The following TTC7B variants were observed in gnomAD, a reference collection of about 807,000 sequenced individuals.
TTC7B encodes tetratricopeptide repeat domain 7B.
In TTC7B, 28 loss-of-function variants were observed where a neutral mutation model predicts 106.8. That is an observed-to-expected ratio of 0.26 (90% CI 0.19 to 0.36). The LOEUF is 0.36. TTC7B is among the 10% of genes least tolerant of loss of function. The probability of loss-of-function intolerance (pLI) is 1.00; values close to 1 mark genes in which losing one functional copy is unlikely to be tolerated. For synonymous variants in TTC7B, 405 were observed against 430.6 expected, an observed-to-expected ratio of 0.94 and a Z score of 0.74; for missense variants, 862 against 1,076.4, an observed-to-expected ratio of 0.80 and a Z score of 2.79.
chr14:90,734,441 G>A (rs1167599988), intron 4 of TTC7B, among the ~76,000 whole-genome samples: 3 of 149,318 alleles, frequency 2.0e-5, no homozygotes, highest in East Asian at 1.9e-4. Context: ...AAAAAAGAAA[G>A]GAGGAAACAA....
chr14:90,618,075 C>T (rs1171565169), intron 15 of TTC7B, 30 bp from the exon 16 acceptor site: 15 of 1,540,494 alleles, frequency 9.7e-6, no homozygotes, highest in Non-Finnish European at 1.3e-5. Context: ...GGAGAAAACA[C>T]CACGGCTCAA....
chr14:90,611,335 C>T (rs574879129), intron 16 of TTC7B, among the ~76,000 whole-genome samples: 5 of 152,146 alleles, frequency 3.3e-5, no homozygotes, highest in East Asian at 1.9e-4. Flanking sequence ...CACTGTGAAC[C>T]GAACAAATCA....
chr14:90,732,077 T>C (rs1386643729), intron 4 of TTC7B, among the ~76,000 whole-genome samples: 1 of 152,116 alleles, frequency 6.6e-6, no homozygotes, highest in Non-Finnish European at 1.5e-5. Context: ...CCAGATATCT[T>C]TGTGGACACA....
chr14:90,564,885 T>G (rs1890725027), intron 19 of TTC7B, among the ~76,000 whole-genome samples: 1 of 152,192 alleles, frequency 6.6e-6, no homozygotes, highest in African/African-American at 2.4e-5. Context: ...CACTCCAGCT[T>G]GGGAGGCAGA....
chr14:90,760,224 T>TGG (rs978385315), intron 3 of TTC7B, among the ~76,000 whole-genome samples: 1 of 149,558 alleles, frequency 6.7e-6, no homozygotes, highest in Non-Finnish European at 1.5e-5. Flanking sequence ...TAAACAGAGG[T>TGG]GGGGGGTTGG....
intron 5 of TTC7B, among the ~76,000 whole-genome samples, chr14:90,707,879 G>A (rs1031122881): frequency 3.9e-5 from 6 of 152,090 alleles, no homozygotes; most frequent in Non-Finnish European, 8.8e-5. Flanking sequence ...AGGTGTGGTG[G>A]CTCACGCCTG....
At chr14:90,784,196 AC>A (rs1471519599) in intron 2 of TTC7B, among the ~76,000 whole-genome samples, 1 of 151,832 alleles carries the variant, frequency 6.6e-6, no homozygotes, top group Non-Finnish European at 1.5e-5. Flanking sequence ...ATCAAGACCT[AC>A]CACCTGTGTC....
chr14:90,588,541 G>A (rs938739448), intron 18 of TTC7B, among the ~76,000 whole-genome samples: 1 of 152,146 alleles, frequency 6.6e-6, no homozygotes, highest in Admixed American at 6.5e-5. Flanking sequence ...CAGCAGTAAG[G>A]TGTGCACTCA....
intron 5 of TTC7B, among the ~76,000 whole-genome samples, chr14:90,703,713 G>C (rs908595349): frequency 7.2e-5 from 11 of 152,234 alleles, no homozygotes; most frequent in Admixed American, 1.3e-4. Flanking sequence ...CAGGCCTCCA[G>C]TTCAAAACCA....
intron 5 of TTC7B, among the ~76,000 whole-genome samples, chr14:90,703,052 C>G (rs1888058174): frequency 6.6e-6 from 1 of 152,148 alleles, no homozygotes; most frequent in South Asian, 2.1e-4. Flanking sequence ...GAGCCCATAA[C>G]ACAAAGCTGG....
chr14:90,702,891 C>T (rs760094385), intron 5 of TTC7B, among the ~76,000 whole-genome samples: 73 of 152,260 alleles, frequency 4.8e-4, no homozygotes, highest in Admixed American at 1.2e-3. Context: ...GGGTGGGGCA[C>T]GGACAGATGA....
intron 1 of TTC7B, among the ~76,000 whole-genome samples, chr14:90,789,238 A>G (rs1891495674): frequency 6.6e-6 from 1 of 152,048 alleles, no homozygotes. Flanking sequence ...AGCTGGGATT[A>G]CAGGCACCCA....
At chr14:90,662,532 G>T (rs1026304042) in intron 9 of TTC7B, among the ~76,000 whole-genome samples, 1 of 152,182 alleles carries the variant, frequency 6.6e-6, no homozygotes, top group Non-Finnish European at 1.5e-5. Context: ...TAGAGCTTCT[G>T]CCTGAGACCC....
chr14:90,660,056 A>G (rs945122561), intron 9 of TTC7B, among the ~76,000 whole-genome samples: 10 of 151,982 alleles, frequency 6.6e-5, no homozygotes, highest in Non-Finnish European at 1.3e-4. Context: ...GGGTGCTGGG[A>G]GGAAAAGAAA....
chr14:90,658,256 C>T (rs1305787614), intron 10 of TTC7B, 48 bp downstream of exon 10: 2 of 1,498,448 alleles, frequency 1.3e-6, no homozygotes, highest in South Asian at 2.3e-5. Context: ...AACTCTTTGG[C>T]CTTAATAGGA....
intron 7 of TTC7B, among the ~76,000 whole-genome samples, chr14:90,687,499 T>A (rs139672565): frequency 1.2e-4 from 19 of 152,340 alleles, no homozygotes; most frequent in African/African-American, 4.6e-4. Flanking sequence ...TCTGGCCATG[T>A]GTCAAAGTGG....
intron 15 of TTC7B, among the ~76,000 whole-genome samples, chr14:90,619,288 G>A (rs1165808271): frequency 6.6e-6 from 1 of 152,096 alleles, no homozygotes; most frequent in Non-Finnish European, 1.5e-5. Context: ...ATCGTTTAAG[G>A]CACTCCACCA....
At chr14:90,639,701 G>T (rs905204107) in intron 15 of TTC7B, among the ~76,000 whole-genome samples, 3 of 152,198 alleles carry the variant, frequency 2.0e-5, no homozygotes, top group African/African-American at 7.2e-5. Context: ...TTGAACGTGT[G>T]CACCAGGAGC....
Position 90,816,398 on chromosome 14 carries a change from TCCCGGCTCCGCGGCGTAACGGGAGCG to T in TTC7B, c.-129_-104del. 1 of 606,704 alleles carries T rather than the reference TCCCGGCTCCGCGGCGTAACGGGAGCG, an allele frequency of 1.6e-6. No individual in the cohort carries two copies. The highest frequency in any genetic ancestry group is 2.0e-6 in the Non-Finnish European group (1 of 489,124). 37.6% of individuals were successfully genotyped at this position (606,704 alleles called of 1,614,324 possible). On this transcript the variant is annotated 5_prime_UTR_variant, in exon 1 of 20. Transcript: ENST00000328459. Reference sequence around the variant, plus strand: ...CGCCGCCGCGGGCTCGGGCTCCGGCTCCCGGCTCCGCGGCGTAACGGGAGCGCCGGCTGGGGAAGGGGCGGGGAGGC... The same window carrying T: ...CGCCGCCGCGGGCTCGGGCTCCGGCTCCGGCTGGGGAAGGGGCGGGGAGGC...
Sources: gnomAD v4.1 joint callset for allele counts (sites outside exome capture counted in the v4.1 genomes callset) on GRCh38, gnomAD v4.1.1 for gene constraint, MANE v1.5 for transcripts, NCBI Gene and HGNC (gene_info 2026-07-23, HGNC 2026-07-21) for gene names.